The following ROR2 variants were observed in gnomAD, a reference collection of about 807,000 sequenced individuals.
ROR2 encodes the protein ROR family WNT receptor 2, also known as tyrosine-protein kinase transmembrane receptor ROR2.
Under a neutral mutation model 74.9 loss-of-function variants are expected in ROR2, and 33 were observed. The ratio of observed to expected loss-of-function variants is 0.44; its 90% confidence interval spans 0.33 to 0.59. The LOEUF (loss-of-function observed/expected upper bound fraction) is 0.59. ROR2 is among the 20% of genes least tolerant of loss of function. The probability of loss-of-function intolerance (pLI) is 0.02; values close to 1 mark genes in which losing one functional copy is unlikely to be tolerated. For missense variants in ROR2, 1,216 were observed against 1,313.8 expected, an observed-to-expected ratio of 0.93 and a Z score of 1.15; for synonymous variants, 586 against 558.7, an observed-to-expected ratio of 1.05 and a Z score of -0.69.
chr9:91,903,738 A>T (rs1830731728), intron 1 of ROR2, among the ~76,000 whole-genome samples: 1 of 152,190 alleles, frequency 6.6e-6, no homozygotes, highest in Non-Finnish European at 1.5e-5. Flanking sequence ...AAAGAGGAAC[A>T]AAAACAAACG....
chr9:91,821,592 C>G (rs1828141915), intron 1 of ROR2, among the ~76,000 whole-genome samples: 1 of 152,212 alleles, frequency 6.6e-6, no homozygotes, highest in Non-Finnish European at 1.5e-5. Context: ...ACATGCTCAC[C>G]TGTGAGTCAC....
chr9:91,920,366 C>T (rs925824653), intron 1 of ROR2, among the ~76,000 whole-genome samples: 1 of 152,118 alleles, frequency 6.6e-6, no homozygotes, highest in Non-Finnish European at 1.5e-5. Flanking sequence ...GTTAGCTGGG[C>T]ATGATGGCAC....
chr9:91,765,814 G>A (rs561535396), intron 2 of ROR2, among the ~76,000 whole-genome samples: 1 of 152,204 alleles, frequency 6.6e-6, no homozygotes, highest in Non-Finnish European at 1.5e-5. Flanking sequence ...GGCTCTTGAT[G>A]AAACTGGACC....
intron 1 of ROR2, among the ~76,000 whole-genome samples, chr9:91,843,829 T>A (rs1477919832): frequency 6.6e-6 from 1 of 152,236 alleles, no homozygotes; most frequent in East Asian, 1.9e-4. Context: ...TGACCTCGTT[T>A]AGTTAGAAGG....
chr9:91,860,200 G>A (rs1382939611), intron 1 of ROR2, among the ~76,000 whole-genome samples: 1 of 152,188 alleles, frequency 6.6e-6, no homozygotes, highest in Non-Finnish European at 1.5e-5. Context: ...TGAGAGAGAA[G>A]CTGTGGGGTT....
intron 1 of ROR2, among the ~76,000 whole-genome samples, chr9:91,819,472 CTCTTTGTGTA>C (rs1199927062): frequency 1.3e-5 from 2 of 150,954 alleles, no homozygotes; most frequent in South Asian, 2.1e-4. Context: ...GTCTGTGTGT[CTCTTTGTGTA>C]TCTTTGTGTC....
chr9:91,928,970 G>A (rs553337190), intron 1 of ROR2, among the ~76,000 whole-genome samples: 3 of 152,234 alleles, frequency 2.0e-5, no homozygotes, highest in African/African-American at 7.2e-5. Context: ...AGACTGGCAA[G>A]AAAACCAGCC....
intron 1 of ROR2, among the ~76,000 whole-genome samples, chr9:91,896,200 A>G (rs1027932084): frequency 3.9e-5 from 6 of 152,158 alleles, no homozygotes; most frequent in Admixed American, 3.9e-4. Context: ...GAAGATGAAA[A>G]AGCAGCATCA....
chr9:91,885,011 C>T (rs753067983), intron 1 of ROR2, among the ~76,000 whole-genome samples: 1 of 152,172 alleles, frequency 6.6e-6, no homozygotes, highest in South Asian at 2.1e-4. Context: ...TAAAGCCTCG[C>T]GAACTTAAAG....
chr9:91,897,586 G>T (rs914067473), intron 1 of ROR2, among the ~76,000 whole-genome samples: 1 of 151,366 alleles, frequency 6.6e-6, no homozygotes, highest in Non-Finnish European at 1.5e-5. Flanking sequence ...ATTCCAGGTG[G>T]GGGGAACCAC....
intron 1 of ROR2, among the ~76,000 whole-genome samples, chr9:91,799,463 T>C (rs1376763017): frequency 1.3e-5 from 2 of 151,834 alleles, no homozygotes; most frequent in African/African-American, 4.8e-5. Context: ...AGCCTTAGAG[T>C]TGAAATAAAA....
intron 1 of ROR2, among the ~76,000 whole-genome samples, chr9:91,886,109 A>T (rs1030039807): frequency 3.3e-5 from 5 of 152,024 alleles, no homozygotes; most frequent in African/African-American, 1.2e-4. Context: ...TCCTGACCTC[A>T]ACTGATCCAC....
chr9:91,775,527 C>T (rs551958931), intron 2 of ROR2, among the ~76,000 whole-genome samples: 1 of 152,316 alleles, frequency 6.6e-6, no homozygotes, highest in African/African-American at 2.4e-5. Context: ...TGCCTCCCTG[C>T]GTGTCACCTC....
intron 1 of ROR2, among the ~76,000 whole-genome samples, chr9:91,840,237 G>A (rs911957000): frequency 6.6e-6 from 1 of 152,192 alleles, no homozygotes. Flanking sequence ...GAACACACGT[G>A]TGACATTAAA....
rs74510917 is a variant in ROR2, at chr9:91,773,845, C to G, written c.175+1896G>C. On this transcript the variant is annotated intron_variant, in intron 2 of 8. Transcript: ENST00000375708. ...ACTCTTCAGATCTCAGCACAACCAT[C>G]TGTGCCCAGATCAAGAGATGTGTTC... Among the ~76,000 whole-genome samples, 418 of 152,364 alleles carry G rather than the reference C, an allele frequency of 2.7e-3. 2 individuals carry two copies. The highest frequency in any genetic ancestry group is 9.1e-3 in the African/African-American group (380 of 41,584).
At chr9:91,738,643 G>A (rs1364384107) in intron 4 of ROR2, among the ~76,000 whole-genome samples, 1 of 152,344 alleles carries the variant, frequency 6.6e-6, no homozygotes, top group Non-Finnish European at 1.5e-5. Context: ...ATGTTCAAAG[G>A]TGATGGTAGG....
intron 1 of ROR2, among the ~76,000 whole-genome samples, chr9:91,899,175 G>A (rs1830609899): frequency 6.6e-6 from 1 of 152,220 alleles, no homozygotes; most frequent in South Asian, 2.1e-4. Flanking sequence ...GGCCCCCAGG[G>A]GGTGCGGGGG....
chr9:91,749,523 A>C (rs1442892165), intron 4 of ROR2, among the ~76,000 whole-genome samples: 1 of 152,188 alleles, frequency 6.6e-6, no homozygotes, highest in Admixed American at 6.5e-5. Flanking sequence ...CACCACATGA[A>C]TTTGGTGGGA....
chr9:91,868,841 T>C (rs1829713268), intron 1 of ROR2, among the ~76,000 whole-genome samples: 1 of 152,166 alleles, frequency 6.6e-6, no homozygotes, highest in African/African-American at 2.4e-5. Context: ...AGGGAATTAA[T>C]ACCAGAAAGA....
Sources: allele counts gnomAD v4.1 joint callset (sites outside exome capture counted in the v4.1 genomes callset), GRCh38; gene constraint gnomAD v4.1.1; transcripts MANE v1.5; gene names NCBI Gene and HGNC (gene_info 2026-07-23, HGNC 2026-07-21).